GLYR1: variants seen among roughly 807,000 people sequenced by gnomAD.
The protein encoded by GLYR1 is cytokine-like nuclear factor N-PAC.
Under a neutral mutation model 72.7 loss-of-function variants are expected in GLYR1, and 21 were observed. The ratio of observed to expected loss-of-function variants is 0.29; its 90% CI spans 0.20 to 0.42. The LOEUF (loss-of-function observed/expected upper bound fraction) is 0.42. Ranked by LOEUF, GLYR1 falls within the 10% of genes least tolerant of loss-of-function variation. GLYR1 has a pLI of 1.00. For synonymous variants in GLYR1, 392 were observed against 270.2 expected, an observed-to-expected ratio of 1.45 and a Z score of -4.42; for missense variants, 594 against 712.1, an observed-to-expected ratio of 0.83 and a Z score of 1.89.
Position 4,818,525 on chromosome 16 carries a change from C to T in GLYR1, c.807-828G>A, listed in dbSNP as rs1342649668. Among the ~76,000 whole-genome samples the T allele has an allele frequency of 4.0e-5, 6 of 151,446 alleles. No homozygotes were observed. The East Asian group carries it at 9.7e-4, about 24-fold the overall frequency. ...CTTGGACTCCTGGGCTTAAGGGATCCGCCCACCTCAGCCTCCCAAAGTGCT... is the reference window on the plus strand; with the variant it reads ...CTTGGACTCCTGGGCTTAAGGGATCTGCCCACCTCAGCCTCCCAAAGTGCT... On this transcript the variant is annotated intron_variant, in intron 9 of 15. Coordinates refer to ENST00000321919, the MANE Select transcript of GLYR1 (RefSeq NM_032569.4).
chr16:4,808,831 T>C (rs565623142), intron 15 of GLYR1, among the ~76,000 whole-genome samples: 4 of 152,140 alleles, frequency 2.6e-5, no homozygotes, highest in Middle Eastern at 3.4e-3. Flanking sequence ...TTGGATACAG[T>C]TGTGCACGCC....
intron 10 of GLYR1, among the ~76,000 whole-genome samples, chr16:4,815,596 G>A (rs1456812407): frequency 6.6e-6 from 1 of 152,148 alleles, no homozygotes; most frequent in Non-Finnish European, 1.5e-5. Context: ...GGTTCTAAAA[G>A]TTTTAAGGCT....
intron 9 of GLYR1, among the ~76,000 whole-genome samples, chr16:4,820,331 A>G (rs1335869874): frequency 5.3e-5 from 8 of 152,246 alleles, no homozygotes; most frequent in Non-Finnish European, 1.0e-4. Flanking sequence ...AGTCCTTCAC[A>G]CTGTGTCTCA....
At chr16:4,837,631 G>GCA (rs1160714587) in intron 3 of GLYR1, among the ~76,000 whole-genome samples, 2 of 151,802 alleles carry the variant, frequency 1.3e-5, no homozygotes, top group African/African-American at 4.8e-5. Flanking sequence ...CAGAGAAAAA[G>GCA]CACACACACA....
chr16:4,816,032 G>A (rs1000174386), intron 10 of GLYR1, among the ~76,000 whole-genome samples: 5 of 152,142 alleles, frequency 3.3e-5, no homozygotes, highest in Non-Finnish European at 5.9e-5. Context: ...GCCTTCCAAA[G>A]TGCTGGGATT....
intron 3 of GLYR1, chr16:4,840,201 C>T (rs1448795772): frequency 6.6e-6 from 1 of 152,536 alleles, no homozygotes; most frequent in East Asian, 1.9e-4. Flanking sequence ...TACCACAATC[C>T]ACTTGCAGTG....
In GLYR1 at chr16:4,847,258, G is replaced by A. The variant is rs1334930674; in HGVS notation, c.8C>T (p.Ala3Val). ...CAAGTCGCCGAGCCGCAGACTCACA[G>A]CCGCCATCTTACCACCCAACCACCG... MA[A>V]VSLRLGDLVW... is the part of the protein sequence containing the mutation. The change falls in exon 1 of 16, where the codon GCT becomes GTT. Residue 3 changes from alanine to valine, a missense_variant. Ala to Val is a moderately conservative substitution (Grantham distance 64). Transcript: ENST00000321919. The A allele has an allele frequency of 1.9e-6, 3 of 1,609,978 alleles. No homozygotes were observed. Among genetic ancestry groups the A allele is most frequent in the African/African-American group, 1.3e-5 (1 of 74,654 alleles).
chr16:4,811,064 C>G, intron 15 of GLYR1, 106 bp downstream of exon 15: 1 of 1,388,112 alleles, frequency 7.2e-7, no homozygotes. Flanking sequence ...GAGATCGCAC[C>G]AGTGCACTCT....
intron 13 of GLYR1, 64 bp from the exon 14 acceptor site, chr16:4,811,866 C>A: frequency 6.5e-7 from 1 of 1,542,592 alleles, no homozygotes; most frequent in Non-Finnish European, 8.8e-7. Context: ...TCTCTGTCCA[C>A]CCTCACCTCT....
chr16:4,820,534 C>T (rs537430028), intron 9 of GLYR1, among the ~76,000 whole-genome samples: 3 of 152,068 alleles, frequency 2.0e-5, no homozygotes, highest in African/African-American at 7.2e-5. Flanking sequence ...AATCCTCCTC[C>T]CCTTTGTTTG....
intron 5 of GLYR1, among the ~76,000 whole-genome samples, chr16:4,828,920 G>A (rs753087814): frequency 6.6e-6 from 1 of 152,070 alleles, no homozygotes; most frequent in Non-Finnish European, 1.5e-5. Context: ...GCACCGGTGA[G>A]ATGCATGGCT....
Position 4,847,217 on chromosome 16 carries a change from C to T in GLYR1, c.38+11G>A. Reference sequence around the variant, plus strand: ...CGGCGCGTCTCGGTTGGCCCGGCCGCTCGGACTCACCACACCAAGTCGCCG... The same window carrying T: ...CGGCGCGTCTCGGTTGGCCCGGCCGTTCGGACTCACCACACCAAGTCGCCG... On this transcript the variant is annotated intron_variant, in intron 1 of 15. Coordinates refer to ENST00000321919, the MANE Select transcript of GLYR1 (RefSeq NM_032569.4). 4 of 1,603,400 alleles carry T rather than the reference C, an allele frequency of 2.5e-6. No individual in the cohort carries two copies. In the South Asian group the frequency reaches 3.3e-5, roughly 13 times the overall value.
chr16:4,821,459 G>A lies in GLYR1; in HGVS notation c.733-6C>T, dbSNP rs1374634306. 1.9e-6 allele frequency: 3 copies of A among 1,614,070 alleles called. No individual in the cohort carries two copies. Among genetic ancestry groups the A allele is most frequent in the South Asian group, 2.2e-5 (2 of 91,080 alleles). ...ATGGAGGTGGAGCCAGTTTCCTACG[G>A]ACAGGAAGCACACATCATCAAGTCA... On this transcript the variant is annotated splice_polypyrimidine_tract_variant and splice_region_variant and intron_variant, in intron 8 of 15. Transcript: ENST00000321919.
Position 4,812,262 on chromosome 16 carries a change from T to G in GLYR1, c.1120-14A>C, listed in dbSNP as rs1301323064. 2 of 1,608,994 alleles carry G rather than the reference T, an allele frequency of 1.2e-6. No homozygotes were observed. The highest frequency in any genetic ancestry group is 2.2e-5 in the South Asian group (2 of 90,818). ...GGACACAATCACCTGGAAAGAAAAG[T>G]CACAGCTTCTGGAGGCCTCCCCTCT... On this transcript the variant is annotated splice_polypyrimidine_tract_variant and intron_variant, in intron 12 of 15. Coordinates refer to ENST00000321919, the MANE Select transcript of GLYR1 (RefSeq NM_032569.4).
At chr16:4,843,209 C>G (rs913617522) in intron 3 of GLYR1, among the ~76,000 whole-genome samples, 1 of 152,222 alleles carries the variant, frequency 6.6e-6, no homozygotes, top group South Asian at 2.1e-4. Flanking sequence ...GTCTGTCACC[C>G]ATGCTGGAGT....
Position 4,821,467 on chromosome 16 carries a change from G to A in GLYR1, c.733-14C>T, listed in dbSNP as rs759688439. The A allele has an allele frequency of 3.5e-5, 56 of 1,614,122 alleles. No homozygotes were observed. The highest frequency in any genetic ancestry group is 4.6e-5 in the Non-Finnish European group (54 of 1,180,046). ...GGAGCCAGTTTCCTACGGACAGGAA[G>A]CACACATCATCAAGTCAGTCTGCCT... On this transcript the variant is annotated splice_polypyrimidine_tract_variant and intron_variant, in intron 8 of 15. Transcript: ENST00000321919.
chr16:4,834,296 T>C (rs986520783), intron 3 of GLYR1, among the ~76,000 whole-genome samples: 2 of 89,428 alleles, frequency 2.2e-5, no homozygotes, highest in Non-Finnish European at 4.2e-5. Flanking sequence ...GGCAAATTCC[T>C]TTTTTTTTTT....
chr16:4,835,035 A>G (rs983071882), intron 3 of GLYR1, among the ~76,000 whole-genome samples: 1 of 152,210 alleles, frequency 6.6e-6, no homozygotes, highest in African/African-American at 2.4e-5. Context: ...ATGAAGCTTA[A>G]GGAGTCGTGA....
At chr16:4,819,988 A>T (rs1455674758) in intron 9 of GLYR1, among the ~76,000 whole-genome samples, 1 of 152,098 alleles carries the variant, frequency 6.6e-6, no homozygotes, top group Non-Finnish European at 1.5e-5. Context: ...AGTCCAGTAG[A>T]CCTGGGATAA....
Sources: gnomAD v4.1 joint callset for allele counts (sites outside exome capture counted in the v4.1 genomes callset) on GRCh38, gnomAD v4.1.1 for gene constraint, MANE v1.5 for transcripts, NCBI Gene and HGNC (gene_info 2026-07-23, HGNC 2026-07-21) for gene names.